The following NAV3 variants were observed in gnomAD, a reference collection of about 807,000 sequenced individuals.
NAV3 encodes neuron navigator 3, also known as pore membrane and/or filament interacting like protein 1.
A neutral mutation model predicts 244.7 loss-of-function variants in NAV3; 87 were observed. The observed-to-expected ratio is 0.36, with a 90% CI of 0.30 to 0.42. The LOEUF (loss-of-function observed/expected upper bound fraction) is 0.42, where lower values mean the gene tolerates loss of function less well. NAV3 is among the 20% of genes least tolerant of loss of function. The probability of loss-of-function intolerance (pLI) is 1.00; values close to 1 mark genes in which losing one functional copy is unlikely to be tolerated. For missense variants in NAV3, 2,663 were observed against 2,893.3 expected (o/e 0.92, Z 1.83); for synonymous variants, 1,126 against 1,042.2 (o/e 1.08, Z -1.55).
chr12:78,179,466 G>T, intron 28 of NAV3, 63 bp from the exon 29 acceptor site: 2 of 1,592,548 alleles, frequency 1.3e-6, no homozygotes, highest in Non-Finnish European at 1.7e-6. Flanking sequence ...TTTAAAAGAG[G>T]CAGTGCTTTT....
rs558413230 is a variant in NAV3 at position 78,034,937 on chromosome 12, A to C, written c.2023+13075A>C. ...TTTATATAAACGAGTAGTATTTAAA[A>C]AGTATAGAATTGAGAATGAGTATCA... On this transcript the variant is annotated intron_variant, in intron 9 of 39. Transcript: ENST00000397909. Among the ~76,000 whole-genome samples, 9 of 152,342 alleles carry C rather than the reference A, an allele frequency of 5.9e-5. No individual in the cohort carries two copies. In the East Asian group the frequency reaches 1.7e-3, roughly 29 times the overall value.
At chr12:78,038,667 G>A (rs1220350007) in intron 9 of NAV3, among the ~76,000 whole-genome samples, 6 of 152,320 alleles carry the variant, frequency 3.9e-5, no homozygotes, top group South Asian at 2.1e-4. Flanking sequence ...TGATTTCTGT[G>A]ATGAACTGCT....
chr12:77,917,199 A>G (rs1181897046), intron 1 of NAV3, among the ~76,000 whole-genome samples: 2 of 151,970 alleles, frequency 1.3e-5, no homozygotes, highest in Non-Finnish European at 2.9e-5. Flanking sequence ...GTTTGCCTGC[A>G]TTAGTACTTT....
chr12:77,767,758 T>G (rs2135863606), intron 2 of NAV3, among the ~76,000 whole-genome samples: 1 of 152,144 alleles, frequency 6.6e-6, no homozygotes, highest in South Asian at 2.1e-4. Context: ...AAAGAGGGGG[T>G]CATAGCCCTG....
At chr12:77,807,794 G>A (rs1416859548) in intron 2 of NAV3, among the ~76,000 whole-genome samples, 2 of 152,092 alleles carry the variant, frequency 1.3e-5, no homozygotes, top group Non-Finnish European at 2.9e-5. Context: ...CATTTTCCCC[G>A]TCACTTTCAC....
intron 3 of NAV3, among the ~76,000 whole-genome samples, chr12:77,965,866 A>G (rs137983281): frequency 2.6e-5 from 4 of 152,260 alleles, no homozygotes; most frequent in Admixed American, 2.6e-4. Flanking sequence ...TAAATTACCC[A>G]CATCCTAACA....
intron 8 of NAV3, among the ~76,000 whole-genome samples, chr12:78,020,045 A>G (rs1360784867): frequency 6.6e-6 from 1 of 152,190 alleles, no homozygotes; most frequent in Non-Finnish European, 1.5e-5. Flanking sequence ...TATGATTGAG[A>G]TCATTTAGAG....
chr12:78,007,080 A>G lies in NAV3; in HGVS notation c.1542A>G (p.Ala514=), dbSNP rs758212678. The change falls in exon 8 of 40, where the codon GCA becomes GCG. Residue 514 remains alanine, a synonymous_variant. Transcript: ENST00000397909. ...SLIPKGSKTT[A]AKKESLIPSS... ...TCCCTAAGGGCAGCAAGACAACAGC[A>G]GCTAAGAAGGAAAGCTTAATTCCGT... 2.5e-6 allele frequency: 4 copies of G among 1,614,112 alleles called. No homozygotes were observed. The African/African-American group carries it at 5.3e-5, about 22-fold the overall frequency.
Position 77,601,375 on chromosome 12 carries a change from G to T in NAV3, c.72+29109G>T, listed in dbSNP as rs576548237. Reference sequence around the variant, plus strand: ...ATAACCAAAAGAAAGTATATATGATGGGGGAAATCCAGACTGAATATAAGG... The same window carrying T: ...ATAACCAAAAGAAAGTATATATGATTGGGGAAATCCAGACTGAATATAAGG... On this transcript the variant is annotated intron_variant, in intron 2 of 8. Transcript: ENST00000550042. Among the ~76,000 whole-genome samples the T allele has an allele frequency of 2.0e-5, 3 of 152,016 alleles. No individual in the cohort carries two copies. In the South Asian group the frequency reaches 6.2e-4, roughly 32 times the overall value.
chr12:77,830,163 T>C (rs1023223896), upstream of NAV3, among the ~76,000 whole-genome samples: 1 of 152,210 alleles, frequency 6.6e-6, no homozygotes, highest in Non-Finnish European at 1.5e-5. Context: ...ATTAAAATAA[T>C]TCTATGGATG....
chr12:78,031,281 T>C (rs1052152079), intron 9 of NAV3, among the ~76,000 whole-genome samples: 33 of 152,174 alleles, frequency 2.2e-4, no homozygotes, highest in African/African-American at 7.0e-4. Context: ...AGTACTGGTG[T>C]CGTTTTGTGT....
intron 1 of NAV3, among the ~76,000 whole-genome samples, chr12:77,889,820 A>C (rs931600999): frequency 6.6e-6 from 1 of 152,226 alleles, no homozygotes; most frequent in Non-Finnish European, 1.5e-5. Context: ...ATATTTTAGC[A>C]TAAGAAAATA....
At chr12:77,873,706 T>TAA (rs1565878561) in intron 1 of NAV3, among the ~76,000 whole-genome samples, 1 of 125,094 alleles carries the variant, frequency 8.0e-6, no homozygotes, top group Non-Finnish European at 1.7e-5. Context: ...TATATATATA[T>TAA]ATACATGATT....
intron 1 of NAV3, among the ~76,000 whole-genome samples, chr12:77,870,515 A>G (rs1467505697): frequency 6.6e-6 from 1 of 152,166 alleles, no homozygotes; most frequent in Non-Finnish European, 1.5e-5. Flanking sequence ...TTTATTAGTT[A>G]GACATTTAGG....
chr12:77,811,065 TAAAC>T (rs1017603777), intron 2 of NAV3, among the ~76,000 whole-genome samples: 1 of 152,112 alleles, frequency 6.6e-6, no homozygotes, highest in Non-Finnish European at 1.5e-5. Flanking sequence ...AATGACAAAA[TAAAC>T]ACACAGAAGG....
intron 2 of NAV3, among the ~76,000 whole-genome samples, chr12:77,747,519 C>T (rs936061303): frequency 6.6e-6 from 1 of 152,170 alleles, no homozygotes; most frequent in East Asian, 1.9e-4. Context: ...TTGACCCAGC[C>T]ATCCCATTAC....
Position 78,177,636 on chromosome 12 carries a change from C to A in NAV3, c.5314C>A (p.Pro1772Thr). Residue 1772 changes from proline to threonine, a missense_variant, in exon 28 of 40, where the codon CCA becomes ACA. Around this residue, in one of 6 missense-constraint regions of NAV3, gnomAD observed 193 missense variants for 200.7 expected, o/e 0.96. Coordinates refer to ENST00000397909, the MANE Select transcript of NAV3 (RefSeq NM_001024383.2). ...QSASASPLVW[P>T]PKKRQNGPVI... is the part of the protein sequence containing the mutation. ...TACATACAGGTCACCCCTTGTCTGG[C>A]CACCAAAGAAACGACAAAATGGCCC... 1 of 1,597,206 alleles carries A rather than the reference C, an allele frequency of 6.3e-7. No individual in the cohort carries two copies. The highest frequency in any genetic ancestry group is 8.5e-7 in the Non-Finnish European group (1 of 1,179,170).
intron 2 of NAV3, among the ~76,000 whole-genome samples, chr12:77,650,476 G>C (rs1212189885): frequency 6.6e-6 from 1 of 152,054 alleles, no homozygotes; most frequent in Non-Finnish European, 1.5e-5. Flanking sequence ...GTTTCAAGGA[G>C]GTACAGTTGG....
intron 2 of NAV3, among the ~76,000 whole-genome samples, chr12:77,693,217 TTCAG>T (rs1269202537): frequency 4.6e-5 from 7 of 152,046 alleles, no homozygotes; most frequent in Admixed American, 2.6e-4. Flanking sequence ...TCACTGTTCA[TTCAG>T]TCAGTTATTT....
Sources: gnomAD v4.1 joint callset for allele counts (sites outside exome capture counted in the v4.1 genomes callset) on GRCh38, gnomAD v4.1.1 for gene constraint, gnomAD v4.1.1 regional missense constraint, MANE v1.5 for transcripts, NCBI Gene and HGNC (gene_info 2026-07-23, HGNC 2026-07-21) for gene names.